The following USP34 variants were observed in gnomAD, a reference collection of about 807,000 sequenced individuals.
USP34 encodes ubiquitin carboxyl-terminal hydrolase 34.
USP34 carries 70 observed loss-of-function variants against 460.3 expected under a neutral mutation model. The ratio of observed to expected loss-of-function variants is 0.15; its 90% CI spans 0.13 to 0.19. The LOEUF (loss-of-function observed/expected upper bound fraction) is 0.19, where lower values mean the gene tolerates loss of function less well. USP34 is among the 10% of genes least tolerant of loss of function. The pLI, the probability that USP34 is intolerant of heterozygous loss-of-function variation, is 1.00. For missense variants in USP34, 3,985 were observed against 4,236.2 expected (o/e 0.94, Z 1.65); for synonymous variants, 1,647 against 1,405.3 (o/e 1.17, Z -3.85).
chr2:61,437,007 T>G (rs1321507064), intron 1 of USP34, among the ~76,000 whole-genome samples: 2 of 152,020 alleles, frequency 1.3e-5, no homozygotes, highest in Non-Finnish European at 2.9e-5. Flanking sequence ...AAAATGCAAA[T>G]ACAACACGTC....
At chr2:61,424,701 C>T (rs913251138) in intron 1 of USP34, among the ~76,000 whole-genome samples, 2 of 147,646 alleles carry the variant, frequency 1.4e-5, no homozygotes, top group Non-Finnish European at 3.1e-5. Flanking sequence ...CATGGCGAGA[C>T]CCCCTCTCTA....
In USP34 at chr2:61,343,865, T is replaced by G; in HGVS notation, c.2450A>C (p.Gln817Pro). The stretch of plus-strand genomic sequence containing the variant: ...GGAAGCTAAATTGGGAAGATGTTGT[T>G]GGAGGTGAGATGTCAGTTCCGCATG... ...NSHAELTSHLQQHLPNLASIY... is the reference protein window; with the variant it reads ...NSHAELTSHLPQHLPNLASIY... Residue 817 changes from glutamine (Q) to proline (P), a missense_variant, in exon 16 of 80, where the codon CAA becomes CCA. Coordinates refer to ENST00000398571, the MANE Select transcript of USP34 (RefSeq NM_014709.4). The G allele has an allele frequency of 6.2e-7, 1 of 1,614,004 alleles. No homozygotes were observed.
At chr2:61,233,928 G>C (rs552356998) in intron 57 of USP34, among the ~76,000 whole-genome samples, 7 of 151,854 alleles carry the variant, frequency 4.6e-5, no homozygotes, top group African/African-American at 1.7e-4. Context: ...ATATGTTTTT[G>C]AAGTTTTCTT....
chr2:61,232,870 CT>C (rs1198998742), intron 57 of USP34, among the ~76,000 whole-genome samples: 690 of 86,702 alleles, frequency 8.0e-3, no homozygotes, highest in African/African-American at 0.015. Flanking sequence ...TCCCCCCCCC[CT>C]TTTTTTTTTT....
At chr2:61,242,863 T>C (rs72811467) in intron 51 of USP34, among the ~76,000 whole-genome samples, 12,399 of 152,204 alleles carry the variant, frequency 0.081, 655 homozygotes, top group Admixed American at 0.14. Flanking sequence ...TTTTTTTTTC[T>C]TTGAGACGGA....
At chr2:61,242,011 T>C (rs1440211956) in intron 51 of USP34, among the ~76,000 whole-genome samples, 192 bp from the exon 52 acceptor site, 1 of 152,028 alleles carries the variant, frequency 6.6e-6, no homozygotes. Flanking sequence ...ATCTTTTTTT[T>C]AGTTTTTATT....
chr2:61,268,611 GC>G (rs1165972688), intron 41 of USP34, among the ~76,000 whole-genome samples: 2 of 151,610 alleles, frequency 1.3e-5, no homozygotes, highest in Non-Finnish European at 2.9e-5. Flanking sequence ...TTATAACACC[GC>G]AAAATGAACT....
chr2:61,256,577 A>G, intron 47 of USP34, 99 bp from the exon 48 acceptor site: 2 of 949,922 alleles, frequency 2.1e-6, no homozygotes, highest in Middle Eastern at 3.0e-4. Flanking sequence ...GCTCAGCAAA[A>G]AAATTTTTTT....
chr2:61,280,201 AAGAAG>A, intron 39 of USP34, 38 bp downstream of exon 39: 1 of 1,142,392 alleles, frequency 8.8e-7, no homozygotes, highest in Non-Finnish European at 1.2e-6. Context: ...TCATATTAAC[AAGAAG>A]AGAATACATA....
chr2:61,218,164 G>GTT (rs202133746), intron 67 of USP34, among the ~76,000 whole-genome samples: 1 of 144,772 alleles, frequency 6.9e-6, no homozygotes, highest in Non-Finnish European at 1.5e-5. Flanking sequence ...GTTCAGCATA[G>GTT]TTTTTTTTTT....
intron 38 of USP34, 140 bp from the exon 39 acceptor site, chr2:61,280,488 A>G: frequency 2.5e-6 from 1 of 405,654 alleles, no homozygotes; most frequent in East Asian, 4.0e-5. Flanking sequence ...AATGGAGTAC[A>G]CGCTTAGTTT....
intron 15 of USP34, chr2:61,346,351 TAA>T (rs567842424): frequency 0.17 from 22,051 of 128,948 alleles, 1,982 homozygotes; most frequent in South Asian, 0.36. Context: ...TCTGTCTCTA[TAA>T]AAAAAAAAAA....
chr2:61,207,239 C>T (rs951014180), intron 70 of USP34: 1 of 167,398 alleles, frequency 6.0e-6, no homozygotes. Context: ...ACCAACTTTC[C>T]AGGGTCTCTG....
At chr2:61,320,421 G>A (rs1690880211) in intron 21 of USP34, among the ~76,000 whole-genome samples, 1 of 152,124 alleles carries the variant, frequency 6.6e-6, no homozygotes, top group Non-Finnish European at 1.5e-5. Flanking sequence ...AGGAAACCAG[G>A]GTACCCAGAG....
intron 67 of USP34, 146 bp downstream of exon 67, chr2:61,220,164 A>AT: frequency 1.4e-5 from 4 of 294,754 alleles, no homozygotes; most frequent in Non-Finnish European, 2.2e-5. Context: ...AAAAAAAAAA[A>AT]AAAAAAAAAA....
At chr2:61,197,171 G>A (rs989433823) in intron 75 of USP34, among the ~76,000 whole-genome samples, 11 of 152,162 alleles carry the variant, frequency 7.2e-5, no homozygotes, top group African/African-American at 2.7e-4. Flanking sequence ...TCAGGAGGCT[G>A]AGGCAGGAGA....
chr2:61,361,413 C>A (rs906092699), intron 10 of USP34, among the ~76,000 whole-genome samples: 15 of 152,128 alleles, frequency 9.9e-5, no homozygotes, highest in African/African-American at 3.1e-4. Flanking sequence ...CAGAGCAAGA[C>A]CCTGTCCATT....
chr2:61,248,361 C>T, intron 49 of USP34, 150 bp downstream of exon 49: 1 of 698,468 alleles, frequency 1.4e-6, no homozygotes, highest in South Asian at 2.5e-5. Context: ...TACTGGTTAA[C>T]TGACTGAATG....
chr2:61,446,992 T>G (rs1254338532), intron 1 of USP34, among the ~76,000 whole-genome samples: 3 of 152,050 alleles, frequency 2.0e-5, no homozygotes, highest in Admixed American at 1.3e-4. Flanking sequence ...TGGTGGCTCA[T>G]GCCTGTAATC....
Sources: gnomAD v4.1 joint callset for allele counts (sites outside exome capture counted in the v4.1 genomes callset) on GRCh38, gnomAD v4.1.1 for gene constraint, MANE v1.5 for transcripts, NCBI Gene and HGNC (gene_info 2026-07-23, HGNC 2026-07-21) for gene names.